RASA1: variants seen among roughly 807,000 people sequenced by gnomAD.
RASA1 encodes the protein ras GTPase-activating protein 1.
Under a neutral mutation model 132.2 loss-of-function variants are expected in RASA1, and 25 were observed. That is an observed-to-expected ratio of 0.19 (90% confidence interval 0.14 to 0.26). The LOEUF (loss-of-function observed/expected upper bound fraction) is 0.26. RASA1 is among the 10% of genes least tolerant of loss of function. The pLI, the probability that RASA1 is intolerant of heterozygous loss-of-function variation, is 1.00. For synonymous variants in RASA1, 477 were observed against 449.9 expected, an observed-to-expected ratio of 1.06 and a Z score of -0.76; for missense variants, 964 against 1,299.2, an observed-to-expected ratio of 0.74 and a Z score of 3.97.
intron 1 of RASA1, among the ~76,000 whole-genome samples, chr5:87,305,143 T>A (rs1755551328): frequency 6.6e-6 from 1 of 152,106 alleles, no homozygotes; most frequent in African/African-American, 2.4e-5. Flanking sequence ...GCAAAAATTT[T>A]TTATCTGTTT....
chr5:87,275,120 T>C (rs777615720), intron 1 of RASA1, among the ~76,000 whole-genome samples: 2 of 152,226 alleles, frequency 1.3e-5, no homozygotes, highest in African/African-American at 2.4e-5. Context: ...GTTGCTTTAC[T>C]TCTCTCTCTT....
At chr5:87,313,543 G>A (rs967946619) in intron 1 of RASA1, among the ~76,000 whole-genome samples, 12 of 152,206 alleles carry the variant, frequency 7.9e-5, no homozygotes, top group African/African-American at 2.9e-4. Context: ...TCTCCCACCT[G>A]CCAGTGTCTA....
At chr5:87,289,965 C>T (rs1302067887) in intron 1 of RASA1, among the ~76,000 whole-genome samples, 1 of 151,968 alleles carries the variant, frequency 6.6e-6, no homozygotes, top group Non-Finnish European at 1.5e-5. Context: ...ATATTAGTCA[C>T]TTTCGAGCTT....
At chr5:87,381,596 C>T (rs1207889515) in intron 20 of RASA1, among the ~76,000 whole-genome samples, 1 of 152,032 alleles carries the variant, frequency 6.6e-6, no homozygotes, top group Non-Finnish European at 1.5e-5. Flanking sequence ...TTTTGGGGGG[C>T]AGGTAATATT....
rs1254949136 is a variant in RASA1, at chr5:87,337,304, C to G, written c.900-670C>G. Among the ~76,000 whole-genome samples, 5 of 152,106 alleles carry G rather than the reference C, an allele frequency of 3.3e-5. No individual in the cohort carries two copies. The East Asian group carries it at 9.7e-4, about 29-fold the overall frequency. ...AGGAAACTAAGTTGTATATGCATCT[C>G]TGTACTCTTAAATTGGTAACAGAAA... On this transcript the variant is annotated intron_variant, in intron 4 of 24. Coordinates refer to ENST00000274376, the MANE Select transcript of RASA1 (RefSeq NM_002890.3).
intron 9 of RASA1, among the ~76,000 whole-genome samples, chr5:87,356,032 T>C (rs911249494): frequency 1.2e-4 from 19 of 152,208 alleles, no homozygotes; most frequent in African/African-American, 4.6e-4. Context: ...AGTGGTCTCT[T>C]GAGATAGAAT....
chr5:87,301,848 A>T (rs1755379391), intron 1 of RASA1, among the ~76,000 whole-genome samples: 1 of 151,864 alleles, frequency 6.6e-6, no homozygotes, highest in Non-Finnish European at 1.5e-5. Flanking sequence ...TGTTTATGAG[A>T]TTTATTCATG....
chr5:87,278,545 C>CA (rs755209775), intron 1 of RASA1, among the ~76,000 whole-genome samples: 33 of 148,736 alleles, frequency 2.2e-4, no homozygotes, highest in East Asian at 9.9e-4. Context: ...GACTCTGTCT[C>CA]AAAAAAAAAG....
chr5:87,329,423 C>T (rs911177551), intron 1 of RASA1, among the ~76,000 whole-genome samples: 10 of 152,066 alleles, frequency 6.6e-5, no homozygotes, highest in African/African-American at 2.4e-4. Flanking sequence ...GCCTGGGCGA[C>T]AGAGTGAGAC....
chr5:87,372,449 G>A (rs755101016), intron 13 of RASA1, among the ~76,000 whole-genome samples: 4 of 152,040 alleles, frequency 2.6e-5, no homozygotes, highest in African/African-American at 4.8e-5. Flanking sequence ...CAGCAGAAAC[G>A]GTTCTGTTGG....
chr5:87,270,627 G>T, intron 1 of RASA1, among the ~76,000 whole-genome samples: 1 of 135,398 alleles, frequency 7.4e-6, no homozygotes. Context: ...GATTACAGCC[G>T]TAAGCCACGG....
intron 1 of RASA1, among the ~76,000 whole-genome samples, chr5:87,295,683 GC>G (rs1014960993): frequency 2.6e-5 from 4 of 151,708 alleles, no homozygotes; most frequent in African/African-American, 9.7e-5. Context: ...TACTGTTTGT[GC>G]TTTTTTTTGT....
intron 9 of RASA1, among the ~76,000 whole-genome samples, chr5:87,358,630 T>G (rs1759838478): frequency 6.6e-6 from 1 of 152,182 alleles, no homozygotes; most frequent in African/African-American, 2.4e-5. Flanking sequence ...TGTCAGATCG[T>G]GTTACTCCTC....
rs773025020 is a variant in RASA1 at position 87,389,433 on chromosome 5, C to T, written c.2966C>T (p.Thr989Met). Residue 989 changes from threonine (T) to methionine (M), a missense_variant, in exon 24 of 25, where the codon ACG (threonine) becomes ATG (methionine). Thr to Met is a moderately conservative substitution (Grantham distance 81). Transcript: ENST00000274376. ...CCGGACACTACAGAGCATTCTAGAA[C>T]GGACCTGTCCCGTGATTTAGCAGCA... ...ELPDTTEHSR[T>M]DLSRDLAALH... 3.5e-5 allele frequency: 56 copies of T among 1,614,000 alleles called. No individual in the cohort carries two copies. Among genetic ancestry groups the T allele is most frequent in the African/African-American group, 1.3e-4 (10 of 74,930 alleles).
intron 1 of RASA1, among the ~76,000 whole-genome samples, chr5:87,296,456 C>G (rs1755124128): frequency 1.3e-5 from 2 of 152,206 alleles, no homozygotes; most frequent in African/African-American, 4.8e-5. Context: ...TCATTATCCT[C>G]TTTCATGAAA....
intron 17 of RASA1, 137 bp from the exon 18 acceptor site, chr5:87,378,259 G>GT: frequency 2.2e-6 from 2 of 922,028 alleles, no homozygotes. Flanking sequence ...ATTGTAATTA[G>GT]TACTTTCAAC....
chr5:87,278,677 T>G (rs1754175280), intron 1 of RASA1, among the ~76,000 whole-genome samples: 1 of 152,152 alleles, frequency 6.6e-6, no homozygotes, highest in Admixed American at 6.5e-5. Context: ...ATCCACCTAT[T>G]TTGTTCACAT....
At chr5:87,349,124 G>T (rs1299992739) in intron 7 of RASA1, 90 bp from the exon 8 acceptor site, 3 of 1,415,364 alleles carry the variant, frequency 2.1e-6, no homozygotes, top group Non-Finnish European at 2.0e-6. Context: ...ATATGTTTAT[G>T]ACTTTGAATG....
intron 5 of RASA1, 51 bp from the exon 6 acceptor site, chr5:87,341,239 A>T: frequency 2.8e-6 from 3 of 1,077,216 alleles, no homozygotes; most frequent in Non-Finnish European, 3.7e-6. Context: ...TTTAATAAAA[A>T]TTGATTAATA....
Sources: allele counts gnomAD v4.1 joint callset (sites outside exome capture counted in the v4.1 genomes callset), GRCh38; gene constraint gnomAD v4.1.1; transcripts MANE v1.5; gene names NCBI Gene and HGNC (gene_info 2026-07-23, HGNC 2026-07-21).